The following CACNA1I variants were observed in gnomAD, a reference collection of about 807,000 sequenced individuals.
CACNA1I encodes the protein calcium voltage-gated channel subunit alpha1 I.
In CACNA1I, 74 loss-of-function variants were observed where a neutral mutation model predicts 201.6. The ratio of observed to expected loss-of-function variants is 0.37; its 90% confidence interval spans 0.30 to 0.45. The LOEUF is 0.45. CACNA1I is among the 20% of genes least tolerant of loss of function. The pLI, the probability that CACNA1I is intolerant of heterozygous loss-of-function variation, is 1.00. For synonymous variants in CACNA1I, 1,431 were observed against 1,345.2 expected, an observed-to-expected ratio of 1.06 and a Z score of -1.40; for missense variants, 2,346 against 3,138.1, an observed-to-expected ratio of 0.75 and a Z score of 6.03.
At chr22:39,590,402 C>T (rs999352565) in intron 1 of CACNA1I, among the ~76,000 whole-genome samples, 4 of 152,218 alleles carry the variant, frequency 2.6e-5, no homozygotes, top group African/African-American at 4.8e-5. Flanking sequence ...GAGCATCTCT[C>T]TTCCTGACCC....
At chr22:39,616,456 A>G (rs1413163571) in intron 3 of CACNA1I, among the ~76,000 whole-genome samples, 1 of 152,158 alleles carries the variant, frequency 6.6e-6, no homozygotes, top group Non-Finnish European at 1.5e-5. Context: ...GTAGAGAAAC[A>G]CAAAGTGTAA....
Position 39,664,837 on chromosome 22 carries a change from CGTGGTGTCCCT to C in CACNA1I, c.3767_3777del (p.Val1256GlyfsTer185). 1 of 1,613,114 alleles carries C rather than the reference CGTGGTGTCCCT, an allele frequency of 6.2e-7. No homozygotes were observed. Among genetic ancestry groups the C allele is most frequent in the Non-Finnish European group, 8.5e-7 (1 of 1,179,710 alleles). ...TTGTCTTCGTGTCCATCATCGACAT[CGTGGTGTCCCT>C]GGCCTCAGCCGGGGGAGCCAAGATC... On this transcript the variant is annotated frameshift_variant, in exon 21 of 37. Coordinates refer to ENST00000402142, the MANE Select transcript of CACNA1I (RefSeq NM_021096.4). LOFTEE classifies it high-confidence loss of function.
chr22:39,622,012 C>G (rs1032183384), intron 4 of CACNA1I, among the ~76,000 whole-genome samples: 2 of 152,104 alleles, frequency 1.3e-5, no homozygotes, highest in African/African-American at 2.4e-5. Context: ...CAGGGTCACA[C>G]AGCAATTCAG....
chr22:39,589,356 T>A (rs1932796182), intron 1 of CACNA1I, among the ~76,000 whole-genome samples: 1 of 152,160 alleles, frequency 6.6e-6, no homozygotes, highest in African/African-American at 2.4e-5. Context: ...CGTGGGCATA[T>A]GTTTGGTTTT....
chr22:39,644,685 T>C (rs908574768), intron 7 of CACNA1I, among the ~76,000 whole-genome samples: 163 of 141,508 alleles, frequency 1.2e-3, no homozygotes, highest in Non-Finnish European at 2.0e-3. Context: ...ATTTTCTTTC[T>C]TTTTTTTTTT....
intron 1 of CACNA1I, among the ~76,000 whole-genome samples, chr22:39,580,876 G>C (rs757122868): frequency 6.6e-6 from 1 of 152,218 alleles, no homozygotes; most frequent in Non-Finnish European, 1.5e-5. Flanking sequence ...CCATTCATTC[G>C]ACAAGTGTTG....
intron 10 of CACNA1I, among the ~76,000 whole-genome samples, chr22:39,657,866 C>A (rs1464950895): frequency 1.3e-5 from 2 of 152,262 alleles, no homozygotes; most frequent in African/African-American, 4.8e-5. Context: ...AAATGCGTAT[C>A]AGAACACTTC....
intron 4 of CACNA1I, among the ~76,000 whole-genome samples, chr22:39,623,865 G>T (rs1933823655): frequency 6.8e-6 from 1 of 146,876 alleles, no homozygotes; most frequent in Admixed American, 6.8e-5. Flanking sequence ...AAAGGGGTGT[G>T]CCTGTGAGGG....
At chr22:39,672,339 T>TGC in intron 27 of CACNA1I, 31 bp downstream of exon 27, 1 of 1,372,568 alleles carries the variant, frequency 7.3e-7, no homozygotes, top group South Asian at 1.2e-5. Flanking sequence ...AGGGCAGTAA[T>TGC]AGGGTAGACT....
Position 39,649,755 on chromosome 22 carries a change from G to A in CACNA1I, c.1822G>A (p.Glu608Lys). 6.6e-7 allele frequency: 1 copy of A among 1,526,666 alleles called. No individual in the cohort carries two copies. Among genetic ancestry groups the A allele is most frequent in the East Asian group, 2.4e-5 (1 of 41,238 alleles). The allele number at this position is 1,526,666 out of a possible 1,614,324, so 94.6% of individuals were successfully genotyped here. A position where few individuals can be genotyped will look rare whatever the true frequency, so the allele number is the denominator to read the frequency against. Reference protein sequence around the residue: ...EDGASSELGKEEEEEEQADGA... With the variant: ...EDGASSELGKKEEEEEQADGA... ...CGGAGCCTCCTCAGAACTGGGGAAGGAGGAGGAGGAGGAGGAGCAGGCGGA... is the reference window on the plus strand; with the variant it reads ...CGGAGCCTCCTCAGAACTGGGGAAGAAGGAGGAGGAGGAGGAGCAGGCGGA... Residue 608 changes from glutamate to lysine, a missense_variant, in exon 10 of 37, where the codon GAG (glutamate) becomes AAG (lysine). Glu to Lys is a moderately conservative substitution (Grantham distance 56). Coordinates refer to ENST00000402142, the MANE Select transcript of CACNA1I (RefSeq NM_021096.4). This position sits in a 1 kb window ranked among gnomAD's most constrained non-coding sequence, Gnocchi z 7.3.
chr22:39,681,011 G>A lies in CACNA1I; in HGVS notation c.5623G>A (p.Glu1875Lys), dbSNP rs766958362. ...SILLGDDLSL[E>K]DPTACPPGRK... Reference sequence around the variant, plus strand: ...CCTGCTGGGTGACGACCTGAGTCTCGAGGACCCCACAGCCTGCCCACCTGG... The same window carrying A: ...CCTGCTGGGTGACGACCTGAGTCTCAAGGACCCCACAGCCTGCCCACCTGG... The change falls in exon 34 of 37, where the codon GAG becomes AAG. Residue 1875 changes from glutamate to lysine, a missense_variant. Glu to Lys is a moderately conservative substitution (Grantham distance 56). Around this residue, in one of 13 missense-constraint regions of CACNA1I, gnomAD observed 441 missense variants for 555.6 expected, o/e 0.79. Transcript: ENST00000402142. The A allele has an allele frequency of 9.9e-6, 16 of 1,611,388 alleles. No individual in the cohort carries two copies. The highest frequency in any genetic ancestry group is 4.5e-5 in the East Asian group (2 of 44,854).
intron 1 of CACNA1I, among the ~76,000 whole-genome samples, chr22:39,580,882 T>A (rs1406408208): frequency 6.6e-6 from 1 of 152,036 alleles, no homozygotes; most frequent in Non-Finnish European, 1.5e-5. Context: ...ATTCGACAAG[T>A]GTTGGAGCCC....
rs755363030 is a variant in CACNA1I, at chr22:39,598,246, G to A, written c.332G>A (p.Arg111His). Residue 111 changes from arginine (R) to histidine (H), a missense_variant, in exon 2 of 37, where the codon CGC (arginine) becomes CAC (histidine). Arg to His is a conservative substitution (Grantham distance 29). This residue lies in a region of CACNA1I where 130 missense variants were observed against 160.7 expected (regional missense o/e 0.81). Coordinates refer to ENST00000402142, the MANE Select transcript of CACNA1I (RefSeq NM_021096.4). The stretch of plus-strand genomic sequence containing the variant: ...GACGACATGGACTGCCTGTCCGACC[G>A]CTGCAAGATCCTGCAGGTGAGCCGG... ...PCDDMDCLSD[R>H]CKILQVFDDF... 1.0e-5 allele frequency: 16 copies of A among 1,595,856 alleles called. No individual in the cohort carries two copies. The highest frequency in any genetic ancestry group is 1.3e-5 in the Non-Finnish European group (15 of 1,171,722).
intron 4 of CACNA1I, among the ~76,000 whole-genome samples, chr22:39,628,741 C>T (rs573097104): frequency 1.4e-4 from 21 of 152,216 alleles, no homozygotes; most frequent in South Asian, 2.1e-4. Context: ...GAGCAGCAGA[C>T]GGCCTCTCCC....
intron 1 of CACNA1I, among the ~76,000 whole-genome samples, chr22:39,574,764 G>T (rs948913582): frequency 6.6e-6 from 1 of 152,214 alleles, no homozygotes; most frequent in African/African-American, 2.4e-5. Flanking sequence ...GAACCCAAAG[G>T]GGTGGTGGGT....
Position 39,659,167 on chromosome 22 carries a change from G to A in CACNA1I, c.2330+51G>A. ...ACCTCAGCACCTGCTGGGGCTGTGG[G>A]CGGGAGCCTGGGGGATGTGGTCCAC... On this transcript the variant is annotated intron_variant, in intron 12 of 36. Transcript: ENST00000402142. The surrounding 1 kb of genome is among the most constrained non-coding windows in gnomAD (Gnocchi z 4.3). 6.3e-7 allele frequency: 1 copy of A among 1,599,474 alleles called. No homozygotes were observed. Among genetic ancestry groups the A allele is most frequent in the African/African-American group, 1.3e-5 (1 of 74,764 alleles).
chr22:39,619,289 C>G, intron 3 of CACNA1I, 21 bp from the exon 4 acceptor site: 1 of 1,588,888 alleles, frequency 6.3e-7, no homozygotes. Context: ...CCATCCCTCA[C>G]TCTCTCTCCT....
At chr22:39,588,300 T>G (rs1932780797) in intron 1 of CACNA1I, among the ~76,000 whole-genome samples, 1 of 151,652 alleles carries the variant, frequency 6.6e-6, no homozygotes, top group African/African-American at 2.4e-5. Context: ...ACTCAGCTGT[T>G]CCATTTTTTA....
At chr22:39,636,871 C>T (rs149991020) in intron 5 of CACNA1I, among the ~76,000 whole-genome samples, 7 of 152,332 alleles carry the variant, frequency 4.6e-5, no homozygotes, top group South Asian at 4.1e-4. Flanking sequence ...AGAGCTCCGT[C>T]GTCAGGGCGG....
Sources: allele counts gnomAD v4.1 joint callset (sites outside exome capture counted in the v4.1 genomes callset), GRCh38; gene constraint gnomAD v4.1.1; regional missense constraint gnomAD v4.1.1; non-coding constraint Gnocchi (gnomAD v3.1); transcripts MANE v1.5; gene names NCBI Gene and HGNC (gene_info 2026-07-23, HGNC 2026-07-21).